FOXO3: variants seen among roughly 807,000 people sequenced by gnomAD.
The protein encoded by FOXO3 is forkhead box O3.
In FOXO3, 4 loss-of-function variants were observed where a neutral mutation model predicts 41.9. That is an observed-to-expected ratio of 0.10 (90% CI 0.05 to 0.22). FOXO3 has a LOEUF of 0.22. Ranked by LOEUF, FOXO3 falls within the 10% of genes least tolerant of loss-of-function variation. The pLI is 1.00. For missense variants in FOXO3, 534 were observed against 906.8 expected, an observed-to-expected ratio of 0.59 and a Z score of 5.28; for synonymous variants, 318 against 389.3, an observed-to-expected ratio of 0.82 and a Z score of 2.16.
intron 1 of FOXO3, among the ~76,000 whole-genome samples, chr6:108,608,826 C>T (rs979512753): frequency 6.6e-6 from 1 of 152,124 alleles, no homozygotes; most frequent in African/African-American, 2.4e-5. Context: ...TAGGGGAAAG[C>T]TTAACTTTAT....
intron 1 of FOXO3, among the ~76,000 whole-genome samples, chr6:108,601,169 G>A (rs904363815): frequency 3.3e-5 from 5 of 151,810 alleles, no homozygotes; most frequent in African/African-American, 9.7e-5. Context: ...CACCATGCCC[G>A]GCTAATTTTT....
chr6:108,601,519 G>A lies in FOXO3; in HGVS notation c.621+39690G>A, dbSNP rs181103166. On this transcript the variant is annotated intron_variant, in intron 1 of 2. Coordinates refer to ENST00000406360, the MANE Select transcript of FOXO3 (RefSeq NM_001455.4). ...GAGTTTCACCATGTTGGCCAGGCTGGTCTTAAACTCCCGATCTCAGGTGAT... is the reference window on the plus strand; with the variant it reads ...GAGTTTCACCATGTTGGCCAGGCTGATCTTAAACTCCCGATCTCAGGTGAT... Among the ~76,000 whole-genome samples the A allele has an allele frequency of 1.0e-3, 152 of 152,196 alleles. 1 individual carries two copies. The East Asian group carries it at 0.023, about 23-fold the overall frequency.
At chr6:108,639,077 TA>T (rs1778188888) in intron 1 of FOXO3, among the ~76,000 whole-genome samples, 1 of 152,154 alleles carries the variant, frequency 6.6e-6, no homozygotes, top group Non-Finnish European at 1.5e-5. Flanking sequence ...CTTTTCACGT[TA>T]ATGGACCCAG....
chr6:108,618,622 T>C (rs963757897), intron 1 of FOXO3, among the ~76,000 whole-genome samples: 4 of 152,266 alleles, frequency 2.6e-5, no homozygotes, highest in African/African-American at 9.6e-5. Context: ...GGACTTTACC[T>C]GATGTTGTGT....
chr6:108,601,673 T>C (rs1777060836), intron 1 of FOXO3, among the ~76,000 whole-genome samples: 1 of 152,210 alleles, frequency 6.6e-6, no homozygotes, highest in South Asian at 2.1e-4. Context: ...CTGGCAACCA[T>C]TAATCTGCTC....
intron 1 of FOXO3, chr6:108,639,753 A>T: frequency 5.1e-6 from 1 of 196,264 alleles, no homozygotes; most frequent in Non-Finnish European, 9.2e-6. Flanking sequence ...CTAAAAGTAC[A>T]TATCAATTAA....
At chr6:108,618,374 CAGA>C in intron 1 of FOXO3, 1 of 532,490 alleles carries the variant, frequency 1.9e-6, no homozygotes, top group East Asian at 3.5e-5. Context: ...CCAGGAGCCA[CAGA>C]AGAAGGAGGC....
chr6:108,622,300 T>C (rs918020323), intron 1 of FOXO3, among the ~76,000 whole-genome samples: 1 of 150,214 alleles, frequency 6.7e-6, no homozygotes, highest in African/African-American at 2.5e-5. Context: ...ATCTGAGACT[T>C]AAGTTCCTCT....
intron 1 of FOXO3, among the ~76,000 whole-genome samples, chr6:108,588,429 C>T (rs1318530162): frequency 1.3e-5 from 2 of 152,044 alleles, no homozygotes; most frequent in South Asian, 2.1e-4. Flanking sequence ...TGAGCTTTTA[C>T]ATTTTAAAAC....
intron 2 of FOXO3, among the ~76,000 whole-genome samples, chr6:108,672,196 G>A (rs566248671): frequency 1.3e-5 from 2 of 152,292 alleles, no homozygotes; most frequent in Admixed American, 1.3e-4. Flanking sequence ...TCCCTCTTAG[G>A]GCTGTCTTGG....
intron 1 of FOXO3, among the ~76,000 whole-genome samples, chr6:108,567,911 C>T (rs1354292204): frequency 3.3e-5 from 5 of 152,016 alleles, no homozygotes; most frequent in Non-Finnish European, 4.4e-5. Flanking sequence ...AGCCGGGCAT[C>T]GTGGCGCATG....
intron 2 of FOXO3, among the ~76,000 whole-genome samples, chr6:108,668,437 G>A (rs908907496): frequency 6.6e-6 from 1 of 152,210 alleles, no homozygotes; most frequent in African/African-American, 2.4e-5. Context: ...CTTGGTGCAT[G>A]TGCTTACAGT....
chr6:108,578,271 T>G (rs2128359256), intron 1 of FOXO3, among the ~76,000 whole-genome samples: 1 of 152,348 alleles, frequency 6.6e-6, no homozygotes, highest in East Asian at 1.9e-4. Flanking sequence ...GTGATTCTAC[T>G]GCAAGCTGAG....
chr6:108,661,616 A>G (rs568174212), intron 1 of FOXO3, among the ~76,000 whole-genome samples: 8 of 152,322 alleles, frequency 5.3e-5, no homozygotes, highest in African/African-American at 1.9e-4. Flanking sequence ...TCTGAAATAT[A>G]TCATGTGTCA....
intron 1 of FOXO3, among the ~76,000 whole-genome samples, chr6:108,607,479 C>T (rs1038124680): frequency 8.0e-5 from 12 of 150,460 alleles, no homozygotes; most frequent in Non-Finnish European, 1.6e-4. Context: ...GAAGGAGTTT[C>T]TGTACTCCCT....
intron 2 of FOXO3, among the ~76,000 whole-genome samples, chr6:108,678,973 G>A (rs1439186552): frequency 1.4e-5 from 2 of 145,806 alleles, no homozygotes; most frequent in African/African-American, 2.5e-5. Context: ...TCAGGTTCAC[G>A]CCATTCTCCT....
At chr6:108,565,945 G>A (rs555823029) in intron 1 of FOXO3, among the ~76,000 whole-genome samples, 1 of 152,218 alleles carries the variant, frequency 6.6e-6, no homozygotes, top group Admixed American at 6.5e-5. Flanking sequence ...ACCTTTTGGA[G>A]TAACTCACCA....
intron 1 of FOXO3, among the ~76,000 whole-genome samples, chr6:108,654,803 G>A (rs1021607308): frequency 9.2e-5 from 14 of 151,632 alleles, no homozygotes; most frequent in African/African-American, 3.2e-4. Flanking sequence ...GTAGAGTGGA[G>A]CTAGATTTAC....
At chr6:108,594,326 G>A (rs1776814511) in intron 1 of FOXO3, among the ~76,000 whole-genome samples, 1 of 152,204 alleles carries the variant, frequency 6.6e-6, no homozygotes, top group South Asian at 2.1e-4. Flanking sequence ...CTCTTTTAGG[G>A]AGAGTTGTAG....
Sources: allele counts gnomAD v4.1 joint callset (sites outside exome capture counted in the v4.1 genomes callset), GRCh38; gene constraint gnomAD v4.1.1; transcripts MANE v1.5; gene names NCBI Gene and HGNC (gene_info 2026-07-23, HGNC 2026-07-21).